DNAH7: variants seen among roughly 807,000 people sequenced by gnomAD.
The protein encoded by DNAH7 is dynein axonemal heavy chain 7.
Under a neutral mutation model 444.6 loss-of-function variants are expected in DNAH7, and 397 were observed. The ratio of observed to expected loss-of-function variants is 0.89; its 90% confidence interval spans 0.82 to 0.97. The LOEUF is 0.97. Ranked by LOEUF, DNAH7 falls within the 50% of genes least tolerant of loss-of-function variation. The pLI is 0.00. For missense variants in DNAH7, 4,902 were observed against 4,800.8 expected, an observed-to-expected ratio of 1.02 and a Z score of -0.62; for synonymous variants, 1,636 against 1,624.4, an observed-to-expected ratio of 1.01 and a Z score of -0.17.
chr2:195,744,372 G>A (rs1208379598), intron 63 of DNAH7, among the ~76,000 whole-genome samples: 1 of 152,220 alleles, frequency 6.6e-6, no homozygotes, highest in African/African-American at 2.4e-5. Context: ...AGCTTGAACT[G>A]GGTGGAGCCC....
Position 196,055,843 on chromosome 2 carries a change from C to T in DNAH7, c.78+2211G>A, listed in dbSNP as rs149186513. Among the ~76,000 whole-genome samples, 625 of 152,304 alleles carry T rather than the reference C, an allele frequency of 4.1e-3. 2 individuals carry two copies. Among genetic ancestry groups the T allele is most frequent in the Non-Finnish European group, 7.1e-3 (482 of 68,022 alleles). On this transcript the variant is annotated intron_variant, in intron 2 of 64. Coordinates refer to ENST00000312428, the MANE Select transcript of DNAH7 (RefSeq NM_018897.3). The stretch of plus-strand genomic sequence containing the variant: ...TCCTATACAACAACCCCATCACTGC[C>T]ACCACCCTGACTTTTTAAGATCTCT...
chr2:195,926,592 A>G (rs1688351522), intron 21 of DNAH7, 26 bp from the exon 22 acceptor site: 1 of 1,557,602 alleles, frequency 6.4e-7, no homozygotes. Flanking sequence ...TATGCTAAAT[A>G]TTAACCATTT....
chr2:195,891,862 A>C, intron 30 of DNAH7, 58 bp from the exon 31 acceptor site: 2 of 1,352,440 alleles, frequency 1.5e-6, no homozygotes, highest in Non-Finnish European at 2.0e-6. Flanking sequence ...ATTCATAGAA[A>C]ACATTATTGC....
At chr2:196,031,442 T>C (rs1696052151) in intron 5 of DNAH7, among the ~76,000 whole-genome samples, 1 of 152,266 alleles carries the variant, frequency 6.6e-6, no homozygotes. Context: ...ATTTGGCTCC[T>C]TGATACTTAT....
At position 196,055,345 on chromosome 2, in the gene DNAH7, C is replaced by CA. The variant is rs200852214; in HGVS notation, c.78+2708dup. The stretch of plus-strand genomic sequence containing the variant: ...ACAACACAGCAAGACCTCCTTGTCT[C>CA]AAAAAAAAATTACAAAATGGTTAAC... On this transcript the variant is annotated intron_variant, in intron 2 of 64. Transcript: ENST00000312428. Among the ~76,000 whole-genome samples the CA allele has an allele frequency of 3.2e-3, 482 of 149,304 alleles. 6 individuals are homozygous for CA. The highest frequency in any genetic ancestry group is 0.01 in the African/African-American group (419 of 40,626).
chr2:195,855,899 G>A lies in DNAH7; in HGVS notation c.8507C>T (p.Ala2836Val), dbSNP rs750601182. 1.4e-5 allele frequency: 22 copies of A among 1,613,884 alleles called. No individual in the cohort carries two copies. The highest frequency in any genetic ancestry group is 1.9e-5 in the Non-Finnish European group (22 of 1,179,934). ...IAMDGLRKKQ[A>V]ALKEVQDKLA... is the part of the protein sequence containing the mutation. ...CTTGTCCTGAACTTCCTTAAGGGCTGCCTGCTTCTTTCTAAGACCATCCAT... is the reference window on the plus strand; with the variant it reads ...CTTGTCCTGAACTTCCTTAAGGGCTACCTGCTTCTTTCTAAGACCATCCAT... Residue 2836 changes from alanine (A) to valine (V), a missense_variant, in exon 45 of 65, where the codon GCA (alanine) becomes GTA (valine). Ala to Val is a moderately conservative substitution (Grantham distance 64). Coordinates refer to ENST00000312428, the MANE Select transcript of DNAH7 (RefSeq NM_018897.3).
Position 195,835,536 on chromosome 2 carries a change from T to C in DNAH7, c.8946-1176A>G, listed in dbSNP as rs17627387. ...AACCATATTTTTATCAGTTATTAGT[T>C]AGAGCCTGGTATAAAACATGTAGCT... On this transcript the variant is annotated intron_variant, in intron 47 of 64. Coordinates refer to ENST00000312428, the MANE Select transcript of DNAH7 (RefSeq NM_018897.3). 0.02 allele frequency among the ~76,000 whole-genome samples: 2,969 copies of C among 152,226 alleles called. 248 individuals are homozygous for C. The East Asian group carries it at 0.27, about 14-fold the overall frequency.
At position 195,806,752 on chromosome 2, in the gene DNAH7, C is replaced by T. The variant is rs1224254850; in HGVS notation, c.10164G>A (p.Leu3388=). Residue 3388 remains leucine (L), a synonymous_variant, in exon 54 of 65, where the codon TTG becomes TTA. Transcript: ENST00000312428. ...EFQRMLIIRC[L]RPDKVIPMLQ... ...AGCCCACATTTACCTTGTCTGGCCT[C>T]AAGCAACGAATAATAAGCATCCTTT... is the stretch of plus-strand genomic sequence containing the variant. 6.2e-7 allele frequency: 1 copy of T among 1,613,362 alleles called. No individual in the cohort carries two copies.
intron 18 of DNAH7, among the ~76,000 whole-genome samples, chr2:195,957,736 T>C (rs1211945974): frequency 2.0e-5 from 3 of 152,122 alleles, no homozygotes; most frequent in South Asian, 2.1e-4. Flanking sequence ...CTAGATTTGT[T>C]CTACAAAATA....
chr2:195,815,850 G>A (rs751551162), intron 51 of DNAH7, among the ~76,000 whole-genome samples: 26 of 152,144 alleles, frequency 1.7e-4, no homozygotes, highest in Non-Finnish European at 2.9e-4. Context: ...AAAATTAGCC[G>A]GGCATGGTGG....
chr2:195,754,889 CAAAT>C (rs774072992), intron 62 of DNAH7, among the ~76,000 whole-genome samples: 15 of 152,170 alleles, frequency 9.9e-5, no homozygotes, highest in Admixed American at 2.0e-4. Context: ...GATAAACTAA[CAAAT>C]AACCCCTGAG....
intron 36 of DNAH7, among the ~76,000 whole-genome samples, chr2:195,881,002 T>C (rs974756040): frequency 6.6e-6 from 1 of 152,114 alleles, no homozygotes; most frequent in African/African-American, 2.4e-5. Context: ...TAGTTTTTTT[T>C]TTTTTTTAAT....
At chr2:195,818,177 A>T (rs1393652165) in intron 49 of DNAH7, among the ~76,000 whole-genome samples, 1 of 152,246 alleles carries the variant, frequency 6.6e-6, no homozygotes, top group Non-Finnish European at 1.5e-5. Context: ...AGAGCATGGT[A>T]TAATATATGG....
chr2:195,974,916 G>T (rs1341544719), intron 15 of DNAH7, among the ~76,000 whole-genome samples: 2 of 152,042 alleles, frequency 1.3e-5, no homozygotes, highest in Non-Finnish European at 2.9e-5. Flanking sequence ...TTAAGTGAAT[G>T]ATTTTTAAAA....
At position 195,857,366 on chromosome 2, in the gene DNAH7, T is replaced by C. The variant is rs1477950048; in HGVS notation, c.8414+11A>G. The C allele has an allele frequency of 4.6e-6, 7 of 1,537,922 alleles. No homozygotes were observed. Among genetic ancestry groups the C allele is most frequent in the Non-Finnish European group, 6.1e-6 (7 of 1,148,670 alleles). ...ACCATACCAGCTGGATTTCTTTTTA[T>C]CAGCACTTACTTATCATATGAATCC... On this transcript the variant is annotated intron_variant, in intron 44 of 64. Transcript: ENST00000312428.
intron 24 of DNAH7, among the ~76,000 whole-genome samples, chr2:195,918,660 G>A (rs1422865256): frequency 6.6e-6 from 1 of 152,192 alleles, no homozygotes; most frequent in African/African-American, 2.4e-5. Context: ...AAAAGAGACA[G>A]TATGTATAAT....
intron 5 of DNAH7, among the ~76,000 whole-genome samples, chr2:196,036,534 A>G (rs1265593953): frequency 6.6e-6 from 1 of 152,150 alleles, no homozygotes; most frequent in East Asian, 1.9e-4. Context: ...TACTCCCCAG[A>G]GCCTAAGAGC....
chr2:196,051,027 C>T (rs1302770268), intron 3 of DNAH7, among the ~76,000 whole-genome samples, 160 bp downstream of exon 3: 1 of 152,222 alleles, frequency 6.6e-6, no homozygotes. Context: ...GGTTACTTTA[C>T]TAAGATAGTT....
intron 40 of DNAH7, among the ~76,000 whole-genome samples, chr2:195,869,054 C>T: frequency 6.6e-6 from 1 of 151,770 alleles, no homozygotes; most frequent in East Asian, 1.9e-4. Context: ...TGTTACACAG[C>T]CATGAAAATT....
Sources: allele counts gnomAD v4.1 joint callset (sites outside exome capture counted in the v4.1 genomes callset), GRCh38; gene constraint gnomAD v4.1.1; transcripts MANE v1.5; gene names NCBI Gene and HGNC (gene_info 2026-07-23, HGNC 2026-07-21).